Variants in GPR37 observed in about 807,000 individuals in gnomAD.
GPR37 encodes the protein prosaposin receptor GPR37.
GPR37 carries 20 observed loss-of-function variants against 43.6 expected under a neutral mutation model. The observed-to-expected ratio is 0.46, with a 90% CI of 0.32 to 0.67. The LOEUF (loss-of-function observed/expected upper bound fraction) is 0.67, where lower values mean the gene tolerates loss of function less well. Ranked by LOEUF, GPR37 falls within the 30% of genes least tolerant of loss-of-function variation. GPR37 has a pLI of 0.03. For missense variants in GPR37, 724 were observed against 797.2 expected (o/e 0.91, Z 1.11); for synonymous variants, 315 against 322.6 (o/e 0.98, Z 0.25).
chr7:124,764,894 A>C lies in GPR37; in HGVS notation c.83T>G (p.Leu28Arg), dbSNP rs768344239. 3 of 1,603,850 alleles carry C rather than the reference A, an allele frequency of 1.9e-6. No individual in the cohort carries two copies. The South Asian group carries it at 3.3e-5, about 18-fold the overall frequency. Residue 28 changes from leucine (L) to arginine (R), a missense_variant, in exon 1 of 2, where the codon CTC becomes CGC. Leu to Arg is a moderately radical substitution (Grantham distance 102). Coordinates refer to ENST00000303921, the MANE Select transcript of GPR37 (RefSeq NM_005302.5). The surrounding 1 kb of genome is among the most constrained non-coding windows in gnomAD (Gnocchi z 5.4). ...LLLKVSASSA[L>R]GVAPASRNET... ...GTTTCTGGACGCAGGGGCGACCCCG[A>C]GGGCAGAAGAGGCAGACACCTTGAG... is the stretch of plus-strand genomic sequence containing the variant.
At position 124,754,100 on chromosome 7, in the gene GPR37, G is replaced by C. The variant is rs764430268; in HGVS notation, c.1024-6757C>G. ...AATACAAACAGAAAGAAACTTATAA[G>C]GCAAAATACTTAATAAAAGGTAAAA... On this transcript the variant is annotated intron_variant, in intron 1 of 1. Coordinates refer to ENST00000303921, the MANE Select transcript of GPR37 (RefSeq NM_005302.5). 5.3e-5 allele frequency among the ~76,000 whole-genome samples: 8 copies of C among 152,064 alleles called. No individual in the cohort carries two copies. In the South Asian group the frequency reaches 1.7e-3, roughly 32 times the overall value.
intron 1 of GPR37, 151 bp from the exon 2 acceptor site, chr7:124,747,494 G>T: frequency 1.6e-6 from 1 of 612,960 alleles, no homozygotes; most frequent in Non-Finnish European, 2.8e-6. Flanking sequence ...AATGAGGCAT[G>T]GGTAACTGGG....
rs565684052 is a variant in GPR37, at chr7:124,758,446, G to A, written c.1023+5508C>T. Among the ~76,000 whole-genome samples the A allele has an allele frequency of 2.3e-4, 35 of 151,846 alleles. 2 individuals are homozygous for A. In the South Asian group the frequency reaches 6.0e-3, roughly 26 times the overall value. ...ACAGTAAGTTTCCACTTAAAAGTCCGGCAGAATACCTAATGACTAATCCAC... is the reference window on the plus strand; with the variant it reads ...ACAGTAAGTTTCCACTTAAAAGTCCAGCAGAATACCTAATGACTAATCCAC... On this transcript the variant is annotated intron_variant, in intron 1 of 1. Coordinates refer to ENST00000303921, the MANE Select transcript of GPR37 (RefSeq NM_005302.5).
chr7:124,764,670 C>T lies in GPR37; in HGVS notation c.307G>A (p.Glu103Lys). The T allele has an allele frequency of 6.3e-7, 1 of 1,588,824 alleles. No individual in the cohort carries two copies. The highest frequency in any genetic ancestry group is 1.7e-4 in the Middle Eastern group (1 of 5,918). ...CCCGGGGGTCCGGCTGCCGACGCCT[C>T]CGCCCCTCTGCCTGCAGCCGGGTCA... ...GRDPAAGRGA[E>K]ASAAGPPGPP... The change falls in exon 1 of 2, where the codon GAG becomes AAG. Residue 103 changes from glutamate (E) to lysine (K), a missense_variant. Physicochemically the swap from Glu to Lys is moderately conservative, Grantham distance 56. This residue lies in a region of GPR37 where 382 missense variants were observed against 355.4 expected (regional missense o/e 1.07). Transcript: ENST00000303921. This position sits in a 1 kb window ranked among gnomAD's most constrained non-coding sequence, Gnocchi z 5.4.
intron 1 of GPR37, among the ~76,000 whole-genome samples, chr7:124,750,526 A>G (rs938869056): frequency 1.3e-5 from 2 of 152,188 alleles, no homozygotes; most frequent in Admixed American, 1.3e-4. Context: ...TTCTATCATT[A>G]CTTGCAAAGA....
rs1489295511 is a variant in GPR37, at chr7:124,744,857, GGA to G, written c.*1666_*1667del. On this transcript the variant is annotated 3_prime_UTR_variant, in exon 2 of 2. Coordinates refer to ENST00000303921, the MANE Select transcript of GPR37 (RefSeq NM_005302.5). ...TGATTTATAAAGTGACTAAATATCA[GGA>G]GAGACACTATGGAATCACAGTTGCT... 1 of 152,108 alleles carries G rather than the reference GGA, an allele frequency of 6.6e-6. No individual in the cohort carries two copies. The highest frequency in any genetic ancestry group is 1.5e-5 in the Non-Finnish European group (1 of 68,030). The allele number at this position is 152,108 out of a possible 1,614,324, so 9.4% of individuals were successfully genotyped here. A position where few individuals can be genotyped will look rare whatever the true frequency, so the allele number is the denominator to read the frequency against.
rs1488357861 is a variant in GPR37, at chr7:124,764,560, G to C, written c.417C>G (p.Pro139=). 1.2e-6 allele frequency: 2 copies of C among 1,613,132 alleles called. No individual in the cohort carries two copies. Among genetic ancestry groups the C allele is most frequent in the Non-Finnish European group, 8.5e-7 (1 of 1,179,814 alleles). Residue 139 remains proline (P), a synonymous_variant, in exon 1 of 2, where the codon CCC becomes CCG. Coordinates refer to ENST00000303921, the MANE Select transcript of GPR37 (RefSeq NM_005302.5). This position sits in a 1 kb window ranked among gnomAD's most constrained non-coding sequence, Gnocchi z 5.4. Reference sequence around the variant, plus strand: ...TCTGAAGGAAGAGCTGGAGGGCCGTGGGGTTCCCTCTCCCCAAAGTTTCAG... The same window carrying C: ...TCTGAAGGAAGAGCTGGAGGGCCGTCGGGTTCCCTCTCCCCAAAGTTTCAG... ...EPSETLGRGN[P]TALQLFLQIS...
intron 1 of GPR37, among the ~76,000 whole-genome samples, chr7:124,757,064 A>G (rs1004488018): frequency 2.0e-5 from 3 of 152,164 alleles, no homozygotes. Context: ...CACTCTGATT[A>G]TGTGCTTGAG....
At position 124,761,534 on chromosome 7, in the gene GPR37, C is replaced by A. The variant is rs79985822; in HGVS notation, c.1023+2420G>T. On this transcript the variant is annotated intron_variant, in intron 1 of 1. Coordinates refer to ENST00000303921, the MANE Select transcript of GPR37 (RefSeq NM_005302.5). ...CATCACAGTTCAACTTCTCCCTTTGCCCGCCCAATCCTGCTTTCTTCTTTC... is the reference window on the plus strand; with the variant it reads ...CATCACAGTTCAACTTCTCCCTTTGACCGCCCAATCCTGCTTTCTTCTTTC... Among the ~76,000 whole-genome samples, 538 of 152,286 alleles carry A rather than the reference C, an allele frequency of 3.5e-3. 2 individuals are homozygous for A. Among genetic ancestry groups the A allele is most frequent in the African/African-American group, 0.012 (518 of 41,560 alleles).
intron 1 of GPR37, among the ~76,000 whole-genome samples, chr7:124,752,966 A>C: frequency 6.6e-6 from 1 of 152,072 alleles, no homozygotes; most frequent in East Asian, 1.9e-4. Context: ...TAACCCTTGT[A>C]AAGTTGTAAA....
At chr7:124,759,614 T>G (rs1793830104) in intron 1 of GPR37, among the ~76,000 whole-genome samples, 1 of 152,184 alleles carries the variant, frequency 6.6e-6, no homozygotes, top group African/African-American at 2.4e-5. Context: ...TTTTCTTCTC[T>G]CCTATCTGGC....
In GPR37 at chr7:124,746,918, C is replaced by G. The variant is rs1793678179; in HGVS notation, c.1449G>C (p.Gln483His). 6.2e-7 allele frequency: 1 copy of G among 1,614,088 alleles called. No homozygotes were observed. Among genetic ancestry groups the G allele is most frequent in the Non-Finnish European group, 8.5e-7 (1 of 1,179,972 alleles). The change falls in exon 2 of 2, where the codon CAG becomes CAC. Residue 483 changes from glutamine (Q) to histidine (H), a missense_variant. Gln to His is a conservative substitution (Grantham distance 24, BLOSUM62 0). Transcript: ENST00000303921. ...AGTTCATCTGACTCTCTAGTTGAAT[C>G]TGCCGTTTATTCCCTCGGGTACAGG... is the stretch of plus-strand genomic sequence containing the variant. ...EKACTRGNKRQIQLESQMNCT... is the reference protein window; with the variant it reads ...EKACTRGNKRHIQLESQMNCT...
rs1007834825 is a variant in GPR37, at chr7:124,744,784, C to T, written c.*1741G>A. 1.3e-5 allele frequency: 2 copies of T among 152,134 alleles called. No individual in the cohort carries two copies. The highest frequency in any genetic ancestry group is 4.8e-5 in the African/African-American group (2 of 41,436). 9.4% of individuals were successfully genotyped at this position (152,134 alleles called of 1,614,324 possible). The stretch of plus-strand genomic sequence containing the variant: ...TGTGACCTATTTACCTTTAGTTACT[C>T]AGGTAATAGGATAGAATCTTTTCCA... On this transcript the variant is annotated 3_prime_UTR_variant, in exon 2 of 2. Coordinates refer to ENST00000303921, the MANE Select transcript of GPR37 (RefSeq NM_005302.5).
chr7:124,757,347 A>G (rs1191064580), intron 1 of GPR37, among the ~76,000 whole-genome samples: 1 of 152,230 alleles, frequency 6.6e-6, no homozygotes, highest in Non-Finnish European at 1.5e-5. Flanking sequence ...TGTAAAGCAG[A>G]GATAGATATC....
intron 1 of GPR37, among the ~76,000 whole-genome samples, chr7:124,758,588 A>G (rs1793818903): frequency 6.6e-6 from 1 of 152,206 alleles, no homozygotes; most frequent in Non-Finnish European, 1.5e-5. Context: ...TTCAACCTCC[A>G]AAAACCCTTT....
intron 1 of GPR37, among the ~76,000 whole-genome samples, chr7:124,758,474 C>G (rs992982641): frequency 3.0e-4 from 46 of 152,188 alleles, no homozygotes; most frequent in Non-Finnish European, 4.4e-5. Flanking sequence ...TAATCCACCT[C>G]TCAAAGAAAA....
At position 124,764,183 on chromosome 7, in the gene GPR37, A is replaced by G; in HGVS notation, c.794T>C (p.Met265Thr). ...TQESYGAYAV[M>T]CLSVVIFGTG... is the part of the protein sequence containing the mutation. ...CCCGAAGATCACCACGGACAGACAC[A>G]TGACCGCGTAGGCTCCATAGGACTC... Residue 265 changes from methionine (M) to threonine (T), a missense_variant, in exon 1 of 2, where the codon ATG becomes ACG. By Grantham distance (81) the Met-to-Thr change is moderately conservative. Around this residue, in one of 2 missense-constraint regions of GPR37, gnomAD observed 382 missense variants for 355.4 expected, o/e 1.07. Transcript: ENST00000303921. This position sits in a 1 kb window ranked among gnomAD's most constrained non-coding sequence, Gnocchi z 5.4. 6.3e-7 allele frequency: 1 copy of G among 1,595,914 alleles called. No individual in the cohort carries two copies.
Position 124,756,975 on chromosome 7 carries a change from C to T in GPR37, c.1023+6979G>A, listed in dbSNP as rs1793798563. On this transcript the variant is annotated intron_variant, in intron 1 of 1. Coordinates refer to ENST00000303921, the MANE Select transcript of GPR37 (RefSeq NM_005302.5). The stretch of plus-strand genomic sequence containing the variant: ...TGTTTTACTTCTGCAGACACATTTG[C>T]CTCCTTGTCTCTGTGGAAGGATACT... 2.0e-5 allele frequency among the ~76,000 whole-genome samples: 3 copies of T among 152,172 alleles called. No homozygotes were observed. In the South Asian group the frequency reaches 6.2e-4, roughly 32 times the overall value.
rs776384302 is a variant in GPR37, at chr7:124,764,532, A to G, written c.445T>C (p.Ser149Pro). The stretch of plus-strand genomic sequence containing the variant: ...CTGGGACCCTTCTCTTCCTCCTCTG[A>G]GATCTGAAGGAAGAGCTGGAGGGCC... The part of the protein sequence containing the change: ...PTALQLFLQI[S>P]EEEEKGPRGA... Residue 149 changes from serine to proline, a missense_variant, in exon 1 of 2, where the codon TCA becomes CCA. Transcript: ENST00000303921. This position sits in a 1 kb window ranked among gnomAD's most constrained non-coding sequence, Gnocchi z 5.4. The G allele has an allele frequency of 1.2e-6, 2 of 1,613,562 alleles. No individual in the cohort carries two copies. Among genetic ancestry groups the G allele is most frequent in the East Asian group, 4.5e-5 (2 of 44,850 alleles).
Sources: gnomAD v4.1 joint callset for allele counts (sites outside exome capture counted in the v4.1 genomes callset) on GRCh38, gnomAD v4.1.1 for gene constraint, gnomAD v4.1.1 regional missense constraint, Gnocchi (gnomAD v3.1) non-coding constraint, MANE v1.5 for transcripts, NCBI Gene and HGNC (gene_info 2026-07-23, HGNC 2026-07-21) for gene names.